The following ARHGEF12 variants were observed in gnomAD, a reference collection of about 807,000 sequenced individuals.
ARHGEF12 encodes the protein KMT2A/ARHGEF12 fusion protein.
A neutral mutation model predicts 211.2 loss-of-function variants in ARHGEF12; 66 were observed. The ratio of observed to expected loss-of-function variants is 0.31; its 90% confidence interval spans 0.26 to 0.38. The LOEUF (loss-of-function observed/expected upper bound fraction) is 0.38, where lower values mean the gene tolerates loss of function less well. Ranked by LOEUF, ARHGEF12 falls within the 10% of genes least tolerant of loss-of-function variation. ARHGEF12 has a pLI of 1.00. For synonymous variants in ARHGEF12, 592 were observed against 638.4 expected, an observed-to-expected ratio of 0.93 and a Z score of 1.09; for missense variants, 1,429 against 1,869.5, an observed-to-expected ratio of 0.76 and a Z score of 4.34.
intron 1 of ARHGEF12, among the ~76,000 whole-genome samples, chr11:120,339,943 TAA>T (rs910223057): frequency 1.6e-4 from 24 of 152,314 alleles, no homozygotes; most frequent in African/African-American, 5.8e-4. Context: ...CCTTAAAACC[TAA>T]AACTCAAACT....
intron 20 of ARHGEF12, 42 bp from the exon 21 acceptor site, chr11:120,449,067 T>G: frequency 6.5e-7 from 1 of 1,544,694 alleles, no homozygotes; most frequent in Non-Finnish European, 8.9e-7. Context: ...AAAAGAAATT[T>G]ACTCTGTTAC....
chr11:120,482,421 G>A (rs1418110647), intron 39 of ARHGEF12, among the ~76,000 whole-genome samples: 2 of 152,112 alleles, frequency 1.3e-5, no homozygotes, highest in East Asian at 3.9e-4. Context: ...TGACTTGTGT[G>A]GCAATTTCCA....
chr11:120,373,797 G>A (rs1353012049), intron 1 of ARHGEF12, among the ~76,000 whole-genome samples: 6 of 151,920 alleles, frequency 3.9e-5, no homozygotes, highest in Non-Finnish European at 7.4e-5. Context: ...ATTAAAATAT[G>A]AAAAATGGAT....
intron 1 of ARHGEF12, among the ~76,000 whole-genome samples, chr11:120,387,995 G>A (rs1477213628): frequency 6.6e-6 from 1 of 152,058 alleles, no homozygotes; most frequent in Non-Finnish European, 1.5e-5. Flanking sequence ...AGGTTTTGAT[G>A]TATATACACG....
intron 1 of ARHGEF12, among the ~76,000 whole-genome samples, chr11:120,347,285 TG>T: frequency 6.6e-6 from 1 of 150,380 alleles, no homozygotes; most frequent in South Asian, 2.1e-4. Context: ...TGTGTGTGTG[TG>T]TGTGTGTGTG....
chr11:120,367,353 CTTTTTTT>C (rs1025919456), intron 1 of ARHGEF12, among the ~76,000 whole-genome samples: 1,124 of 59,178 alleles, frequency 0.019, 2 homozygotes, highest in Middle Eastern at 0.029. Flanking sequence ...ATACTTTTTC[CTTTTTTT>C]TTTTTTTTTT....
chr11:120,392,352 G>A (rs1591535498), intron 1 of ARHGEF12, among the ~76,000 whole-genome samples: 5 of 152,012 alleles, frequency 3.3e-5, no homozygotes, highest in Admixed American at 3.3e-4. Context: ...TTTTTTAATA[G>A]CACTTACCAC....
chr11:120,396,828 A>G (rs11217854), intron 1 of ARHGEF12, among the ~76,000 whole-genome samples: 17,921 of 152,246 alleles, frequency 0.12, 1,496 homozygotes, highest in Admixed American at 0.26. Flanking sequence ...TCCCACAGGT[A>G]TGGAAGTTAA....
intron 11 of ARHGEF12, among the ~76,000 whole-genome samples, chr11:120,433,778 A>T (rs1234653491): frequency 3.3e-5 from 5 of 152,036 alleles, no homozygotes; most frequent in Non-Finnish European, 7.4e-5. Flanking sequence ...ACATAGTGAA[A>T]CCCCGTCTCT....
chr11:120,378,127 C>T (rs941580889), intron 1 of ARHGEF12, among the ~76,000 whole-genome samples: 16 of 152,144 alleles, frequency 1.1e-4, no homozygotes, highest in African/African-American at 3.6e-4. Flanking sequence ...ATTTTACATT[C>T]CCACTAGAAA....
At chr11:120,411,540 A>C (rs1391857467) in intron 4 of ARHGEF12, 1 of 148,092 alleles carries the variant, frequency 6.8e-6, no homozygotes, top group Non-Finnish European at 1.5e-5. Context: ...CTTAACAAAA[A>C]TGCTAGTTAC....
At chr11:120,452,050 A>T (rs537280792) in intron 22 of ARHGEF12, among the ~76,000 whole-genome samples, 1 of 152,352 alleles carries the variant, frequency 6.6e-6, no homozygotes, top group South Asian at 2.1e-4. Flanking sequence ...AATTGTGCCA[A>T]GTCCAATCAA....
At chr11:120,426,946 G>A (rs1009923571) in intron 7 of ARHGEF12, among the ~76,000 whole-genome samples, 5 of 151,798 alleles carry the variant, frequency 3.3e-5, no homozygotes, top group Non-Finnish European at 5.9e-5. Flanking sequence ...GCGCAATCTC[G>A]GCTCACTGCA....
rs1055468106 is a variant in ARHGEF12 at position 120,382,321 on chromosome 11, A to T, written c.33-23797A>T. 4.6e-5 allele frequency among the ~76,000 whole-genome samples: 7 copies of T among 152,282 alleles called. No individual in the cohort carries two copies. The East Asian group carries it at 7.7e-4, about 17-fold the overall frequency. On this transcript the variant is annotated intron_variant, in intron 1 of 40. Coordinates refer to ENST00000397843, the MANE Select transcript of ARHGEF12 (RefSeq NM_015313.3). ...TTTTAATCTAGCATCTTTCTTTTGA[A>T]TTGTTTATGACATTTATCTGTATAT...
At chr11:120,387,006 G>T (rs1944053521) in intron 1 of ARHGEF12, among the ~76,000 whole-genome samples, 1 of 152,006 alleles carries the variant, frequency 6.6e-6, no homozygotes, top group East Asian at 1.9e-4. Context: ...TGAGTGAAAA[G>T]GAGATAGGGA....
chr11:120,449,662 G>C (rs1946146444), intron 21 of ARHGEF12: 1 of 151,896 alleles, frequency 6.6e-6, no homozygotes, highest in South Asian at 2.1e-4. Context: ...TTGCACCACT[G>C]CACTCAAGCC....
At chr11:120,423,126 A>G (rs1447393360) in intron 6 of ARHGEF12, among the ~76,000 whole-genome samples, 3 of 152,174 alleles carry the variant, frequency 2.0e-5, no homozygotes, top group African/African-American at 7.2e-5. Flanking sequence ...CCCTAAAGTA[A>G]CTGAAATACA....
At chr11:120,423,478 T>C (rs575781589) in intron 6 of ARHGEF12, among the ~76,000 whole-genome samples, 8 of 152,022 alleles carry the variant, frequency 5.3e-5, no homozygotes, top group Non-Finnish European at 2.9e-5. Flanking sequence ...ATTACATAAC[T>C]GTGCATAAAC....
intron 1 of ARHGEF12, among the ~76,000 whole-genome samples, chr11:120,397,376 A>G (rs748143382): frequency 3.3e-5 from 5 of 152,178 alleles, no homozygotes; most frequent in Non-Finnish European, 7.3e-5. Flanking sequence ...CCTAGTACCC[A>G]CAGAAACTCC....
Sources: allele counts gnomAD v4.1 joint callset (sites outside exome capture counted in the v4.1 genomes callset), GRCh38; gene constraint gnomAD v4.1.1; transcripts MANE v1.5; gene names NCBI Gene and HGNC (gene_info 2026-07-23, HGNC 2026-07-21).